The following DSCAML1 variants were observed in gnomAD, a reference collection of about 807,000 sequenced individuals.
DSCAML1 encodes cell adhesion molecule DSCAML1.
Under a neutral mutation model 200.5 loss-of-function variants are expected in DSCAML1, and 38 were observed. The ratio of observed to expected loss-of-function variants is 0.19; its 90% CI spans 0.15 to 0.25. The LOEUF is 0.25. DSCAML1 is among the 10% of genes least tolerant of loss of function. The pLI is 1.00. For missense variants in DSCAML1, 2,223 were observed against 2,858.8 expected (o/e 0.78, Z 5.07); for synonymous variants, 1,215 against 1,165.0 (o/e 1.04, Z -0.87).
intron 3 of DSCAML1, among the ~76,000 whole-genome samples, chr11:117,718,182 G>T (rs552768272): frequency 6.6e-6 from 1 of 152,196 alleles, no homozygotes; most frequent in East Asian, 1.9e-4. Context: ...GGGCATTGCC[G>T]CGCCGGCTCC....
intron 1 of DSCAML1, among the ~76,000 whole-genome samples, chr11:117,783,778 C>T (rs1437335122): frequency 1.3e-5 from 2 of 152,256 alleles, no homozygotes; most frequent in East Asian, 3.9e-4. Context: ...ACAAATAAAA[C>T]CACAGAATAT....
Position 117,435,747 on chromosome 11 carries a change from C to T in DSCAML1, c.4773G>A (p.Lys1591=). The T allele has an allele frequency of 2.5e-6, 4 of 1,613,534 alleles. No individual in the cohort carries two copies. Among genetic ancestry groups the T allele is most frequent in the African/African-American group, 2.7e-5 (2 of 75,058 alleles). The change falls in exon 27 of 33, where the codon AAG becomes AAA. Residue 1591 remains lysine (K), a synonymous_variant. Transcript: ENST00000651296. ...TGACAGGGCAGCCGATGGTGAACAG[C>T]TTCTTCACATCATCCCCTTCACCTT... ...SAQGEGDDVK[K]LFTIGCPVIL...
At chr11:117,494,924 G>A (rs752813963) in intron 11 of DSCAML1, among the ~76,000 whole-genome samples, 1 of 152,128 alleles carries the variant, frequency 6.6e-6, no homozygotes, top group Admixed American at 6.5e-5. Flanking sequence ...CCTTTCAAGC[G>A]CACATGGGCC....
intron 11 of DSCAML1, among the ~76,000 whole-genome samples, chr11:117,483,000 A>G (rs2048960741): frequency 6.6e-6 from 1 of 152,248 alleles, no homozygotes; most frequent in African/African-American, 2.4e-5. Context: ...CAGTGCTAAC[A>G]GGACTGAGAA....
intron 3 of DSCAML1, among the ~76,000 whole-genome samples, chr11:117,559,764 C>A (rs10892137): frequency 6.6e-6 from 1 of 151,896 alleles, no homozygotes; most frequent in Non-Finnish European, 1.5e-5. Flanking sequence ...AGAGCTCCCA[C>A]TGGAGAAGGA....
chr11:117,434,141 T>C lies in DSCAML1; in HGVS notation c.4877-670A>G, dbSNP rs115601079. ...TCCCAAATAGCTGTATGCATGCATC[T>C]AACCATCCAATTGTCTGGCTATCCA... On this transcript the variant is annotated intron_variant, in intron 27 of 32. Coordinates refer to ENST00000651296, the MANE Select transcript of DSCAML1 (RefSeq NM_020693.4). 7.4e-3 allele frequency among the ~76,000 whole-genome samples: 1,131 copies of C among 152,310 alleles called. 7 individuals carry two copies. The highest frequency in any genetic ancestry group is 0.026 in the African/African-American group (1,091 of 41,576).
At chr11:117,768,323 T>C (rs536640069) in intron 3 of DSCAML1, among the ~76,000 whole-genome samples, 50 of 152,306 alleles carry the variant, frequency 3.3e-4, no homozygotes, top group African/African-American at 1.1e-3. Flanking sequence ...GTTATTATCA[T>C]GGAATATTTG....
intron 3 of DSCAML1, among the ~76,000 whole-genome samples, chr11:117,618,000 A>G (rs1229719591): frequency 6.6e-6 from 1 of 152,080 alleles, no homozygotes; most frequent in Non-Finnish European, 1.5e-5. Flanking sequence ...GATCTATAAT[A>G]ATGTCTCTCT....
chr11:117,631,023 A>G (rs533788771), intron 3 of DSCAML1, among the ~76,000 whole-genome samples: 1 of 152,376 alleles, frequency 6.6e-6, no homozygotes, highest in South Asian at 2.1e-4. Context: ...TGGGCACTCA[A>G]TAAACATAAA....
At chr11:117,701,138 C>T (rs1243500254) in intron 3 of DSCAML1, among the ~76,000 whole-genome samples, 1 of 152,040 alleles carries the variant, frequency 6.6e-6, no homozygotes, top group African/African-American at 2.4e-5. Flanking sequence ...TGGTGGCGTG[C>T]ACCTGTAATC....
upstream of DSCAML1, chr11:117,801,103 G>T (rs745327395): frequency 2.0e-5 from 3 of 152,012 alleles, no homozygotes; most frequent in Non-Finnish European, 2.9e-5. Context: ...AGTTGGGGGA[G>T]GAAAAAACAA....
At chr11:117,806,616 GATT>G (rs1565294555) in intron 1 of DSCAML1, among the ~76,000 whole-genome samples, 2 of 152,224 alleles carry the variant, frequency 1.3e-5, no homozygotes, top group Admixed American at 1.3e-4. Flanking sequence ...AGACTGGTAT[GATT>G]ATTATCATCC....
intron 3 of DSCAML1, among the ~76,000 whole-genome samples, chr11:117,731,445 A>C (rs1292856818): frequency 5.9e-5 from 9 of 152,162 alleles, no homozygotes; most frequent in African/African-American, 2.2e-4. Context: ...ATAAGCTATA[A>C]TTCTGAACCA....
chr11:117,542,988 C>A (rs1358335319), intron 3 of DSCAML1, among the ~76,000 whole-genome samples: 1 of 152,226 alleles, frequency 6.6e-6, no homozygotes, highest in Non-Finnish European at 1.5e-5. Context: ...CCTTTCTGGG[C>A]AGAGGTTGGT....
chr11:117,718,600 G>A (rs2053991271), intron 3 of DSCAML1, among the ~76,000 whole-genome samples: 1 of 149,284 alleles, frequency 6.7e-6, no homozygotes, highest in Non-Finnish European at 1.5e-5. Context: ...ATTCAGGAAG[G>A]TGTATGACCA....
At chr11:117,655,165 A>T (rs551358260) in intron 3 of DSCAML1, among the ~76,000 whole-genome samples, 63 of 152,272 alleles carry the variant, frequency 4.1e-4, no homozygotes, top group African/African-American at 1.3e-3. Context: ...CCATGCCCTG[A>T]TATTGGGGGC....
chr11:117,480,665 G>C lies in DSCAML1; in HGVS notation c.2657-94C>G, dbSNP rs2048896359. 29 of 1,451,376 alleles carry C rather than the reference G, an allele frequency of 2.0e-5. No homozygotes were observed. In the South Asian group the frequency reaches 3.5e-4, roughly 18 times the overall value. 89.9% of individuals were successfully genotyped at this position (1,451,376 alleles called of 1,614,324 possible). A position where few individuals can be genotyped will look rare whatever the true frequency, so the allele number is the denominator to read the frequency against. ...TGAGGATTGGCATCACCTGGGTCTA[G>C]CCAAGGACTCTGGCACCCTAGGGTT... On this transcript the variant is annotated intron_variant, in intron 13 of 32. Coordinates refer to ENST00000651296, the MANE Select transcript of DSCAML1 (RefSeq NM_020693.4). This position sits in a 1 kb window ranked among gnomAD's most constrained non-coding sequence, Gnocchi z 4.1.
rs1555032770 is a variant in DSCAML1 at position 117,780,290 on chromosome 11, A to AAG, written c.364+201_364+202dup. 1.1e-4 allele frequency among the ~76,000 whole-genome samples: 11 copies of AAG among 100,128 alleles called. No individual in the cohort carries two copies. The highest frequency in any genetic ancestry group is 2.2e-4 in the Non-Finnish European group (9 of 41,542). 65.7% of individuals were successfully genotyped at this position (100,128 alleles called of 152,430 possible). On this transcript the variant is annotated intron_variant, in intron 2 of 32. Coordinates refer to ENST00000651296, the MANE Select transcript of DSCAML1 (RefSeq NM_020693.4). The surrounding 1 kb of genome is among the most constrained non-coding windows in gnomAD (Gnocchi z 4.8). The stretch of plus-strand genomic sequence containing the variant: ...AAAGAAAGAAAGAAAGAAAGAAAGA[A>AAG]AGAAAGAAAGAAAGAGAGAAAGGAG...
At chr11:117,471,468 G>T (rs1426770740) in intron 15 of DSCAML1, among the ~76,000 whole-genome samples, 1 of 152,112 alleles carries the variant, frequency 6.6e-6, no homozygotes, top group Non-Finnish European at 1.5e-5. Flanking sequence ...CACCACTCTC[G>T]GCCTCTTCTG....
Sources: gnomAD v4.1 joint callset for allele counts (sites outside exome capture counted in the v4.1 genomes callset) on GRCh38, gnomAD v4.1.1 for gene constraint, Gnocchi (gnomAD v3.1) non-coding constraint, MANE v1.5 for transcripts, NCBI Gene and HGNC (gene_info 2026-07-23, HGNC 2026-07-21) for gene names.